Variants in NEK4 observed in about 807,000 individuals in gnomAD.
NEK4 encodes the protein serine/threonine-protein kinase Nek4.
In NEK4, 86 loss-of-function variants were observed where a neutral mutation model predicts 98.4. That is an observed-to-expected ratio of 0.87 (90% CI 0.73 to 1.05). The LOEUF is 1.05. NEK4 is among the 50% of genes least tolerant of loss of function. NEK4 has a pLI of 0.00. For synonymous variants in NEK4, 328 were observed against 342.2 expected, an observed-to-expected ratio of 0.96 and a Z score of 0.46; for missense variants, 898 against 950.3, an observed-to-expected ratio of 0.94 and a Z score of 0.72.
intron 15 of NEK4, among the ~76,000 whole-genome samples, chr3:52,724,290 G>C (rs943082450): frequency 6.8e-6 from 1 of 147,650 alleles, no homozygotes; most frequent in Non-Finnish European, 1.5e-5. Context: ...AAGACAAAGA[G>C]AGAATCCTGA....
chr3:52,720,759 C>A (rs778588281), intron 15 of NEK4, among the ~76,000 whole-genome samples: 1 of 152,132 alleles, frequency 6.6e-6, no homozygotes, highest in Non-Finnish European at 1.5e-5. Flanking sequence ...TACAGGAAAA[C>A]GAAGTGAAGT....
intron 15 of NEK4, chr3:52,737,369 T>C (rs2097377860): frequency 1.5e-5 from 7 of 462,866 alleles, no homozygotes; most frequent in Non-Finnish European, 2.3e-5. Context: ...GTGCGGACCA[T>C]GGGGAGTGAC....
chr3:52,762,370 TTTA>T (rs971628414), intron 5 of NEK4, among the ~76,000 whole-genome samples: 3 of 152,202 alleles, frequency 2.0e-5, no homozygotes, highest in African/African-American at 7.2e-5. Context: ...CCTCTTTTTT[TTTA>T]TTATTATTTG....
chr3:52,758,005 G>C (rs1203144965), intron 6 of NEK4, among the ~76,000 whole-genome samples: 1 of 151,798 alleles, frequency 6.6e-6, no homozygotes, highest in African/African-American at 2.4e-5. Flanking sequence ...GTGAAACCCT[G>C]TCTCTACTAA....
At chr3:52,739,937 G>T (rs903927824) in intron 13 of NEK4, among the ~76,000 whole-genome samples, 5 of 152,290 alleles carry the variant, frequency 3.3e-5, no homozygotes, top group Middle Eastern at 6.8e-3. Context: ...ACAATCTTGT[G>T]GGCCTACAGA....
chr3:52,749,201 C>G (rs1008538856), intron 8 of NEK4, among the ~76,000 whole-genome samples: 10 of 152,000 alleles, frequency 6.6e-5, no homozygotes, highest in African/African-American at 2.4e-4. Flanking sequence ...GGGTCAATCT[C>G]AGCTCACTAC....
chr3:52,743,482 A>G, intron 11 of NEK4, 21 bp from the exon 12 acceptor site: 1 of 1,590,374 alleles, frequency 6.3e-7, no homozygotes, highest in Non-Finnish European at 8.6e-7. Context: ...AAACATCCCC[A>G]GTAGTTGTTT....
At chr3:52,769,780 A>G (rs1476581368) in intron 1 of NEK4, among the ~76,000 whole-genome samples, 1 of 152,260 alleles carries the variant, frequency 6.6e-6, no homozygotes, top group African/African-American at 2.4e-5. Context: ...CAGTTTGTAC[A>G]TTATATTGTC....
At chr3:52,750,464 T>C (rs1249453769) in intron 7 of NEK4, among the ~76,000 whole-genome samples, 1 of 152,012 alleles carries the variant, frequency 6.6e-6, no homozygotes, top group Non-Finnish European at 1.5e-5. Context: ...ACGAGAATCA[T>C]TGAACCCAGG....
chr3:52,758,178 C>CAA (rs35117059), intron 6 of NEK4, among the ~76,000 whole-genome samples: 2,344 of 62,526 alleles, frequency 0.037, 83 homozygotes, highest in Middle Eastern at 0.062. Flanking sequence ...GACACCATCT[C>CAA]AAAAAAAAAA....
At chr3:52,765,849 T>C (rs1698537283) in intron 4 of NEK4, 38 bp downstream of exon 4, 2 of 1,274,962 alleles carry the variant, frequency 1.6e-6, no homozygotes, top group Admixed American at 1.7e-5. Context: ...AGCTGCACTA[T>C]AGAAATACTG....
chr3:52,749,108 G>A (rs1158422267), intron 8 of NEK4, among the ~76,000 whole-genome samples: 1 of 151,528 alleles, frequency 6.6e-6, no homozygotes, highest in Non-Finnish European at 1.5e-5. Context: ...GGAGGGGAGG[G>A]GAGGATGGGA....
chr3:52,770,235 T>C (rs989241036), intron 1 of NEK4, among the ~76,000 whole-genome samples: 7 of 151,822 alleles, frequency 4.6e-5, no homozygotes, highest in African/African-American at 1.7e-4. Flanking sequence ...GTAGAGACGT[T>C]TGGGGCCCTT....
chr3:52,713,560 CGAGGCAGGCG>C (rs2097352304), intron 15 of NEK4, among the ~76,000 whole-genome samples: 1 of 152,014 alleles, frequency 6.6e-6, no homozygotes, highest in South Asian at 2.1e-4. Flanking sequence ...TTTGGGAGGC[CGAGGCAGGCG>C]GATCACCTGA....
intron 6 of NEK4, among the ~76,000 whole-genome samples, chr3:52,752,929 T>TACACACACACACACACACAC (rs1215610708): frequency 2.7e-3 from 136 of 49,622 alleles, no homozygotes; most frequent in African/African-American, 8.5e-3. Flanking sequence ...TATATATATA[T>TACACACACACACACACACAC]ATATACACAC....
chr3:52,737,023 G>A (rs2097377214), intron 15 of NEK4, among the ~76,000 whole-genome samples: 1 of 152,060 alleles, frequency 6.6e-6, no homozygotes, highest in Non-Finnish European at 1.5e-5. Flanking sequence ...TGCAACCTCC[G>A]CCTCCTAGGT....
At chr3:52,745,356 G>A (rs1183053719) in intron 10 of NEK4, among the ~76,000 whole-genome samples, 8 of 151,978 alleles carry the variant, frequency 5.3e-5, no homozygotes, top group Non-Finnish European at 1.0e-4. Flanking sequence ...CAAGGCAGGC[G>A]GATCATCTGA....
At chr3:52,741,936 C>A (rs548430672) in intron 12 of NEK4, among the ~76,000 whole-genome samples, 3 of 152,070 alleles carry the variant, frequency 2.0e-5, no homozygotes, top group African/African-American at 7.2e-5. Context: ...CGTGCCGCAA[C>A]GCCCAGCTAA....
rs748387811 is a variant in NEK4, at chr3:52,746,152, A to G, written c.1736T>C (p.Val579Ala). 1 of 1,614,072 alleles carries G rather than the reference A, an allele frequency of 6.2e-7. No individual in the cohort carries two copies. The highest frequency in any genetic ancestry group is 8.5e-7 in the Non-Finnish European group (1 of 1,179,938). The change falls in exon 10 of 16, where the codon GTC becomes GCC. Residue 579 changes from valine to alanine, a missense_variant. By Grantham distance (64) the Val-to-Ala change is moderately conservative. Transcript: ENST00000233027. ...TTCAGCCTCTTTTTGTGTTGATGTG[A>G]CATCCACTTTCCCAACAATGGGATG... Reference protein sequence around the residue: ...PSHPIVGKVDVTSTQKEAENQ... With the variant: ...PSHPIVGKVDATSTQKEAENQ...
Sources: gnomAD v4.1 joint callset for allele counts (sites outside exome capture counted in the v4.1 genomes callset) on GRCh38, gnomAD v4.1.1 for gene constraint, MANE v1.5 for transcripts, NCBI Gene and HGNC (gene_info 2026-07-23, HGNC 2026-07-21) for gene names.